GRID2: variants seen among roughly 807,000 people sequenced by gnomAD.
GRID2 encodes glutamate ionotropic receptor delta type subunit 2.
Under a neutral mutation model 114.8 loss-of-function variants are expected in GRID2, and 33 were observed. The ratio of observed to expected loss-of-function variants is 0.29; its 90% CI spans 0.22 to 0.38. GRID2 has a LOEUF of 0.38. Ranked by LOEUF, GRID2 falls within the 10% of genes least tolerant of loss-of-function variation. GRID2 has a pLI of 1.00. For synonymous variants in GRID2, 505 were observed against 449.9 expected, an observed-to-expected ratio of 1.12 and a Z score of -1.55; for missense variants, 1,184 against 1,257.7, an observed-to-expected ratio of 0.94 and a Z score of 0.89.
At chr4:92,899,710 C>G (rs953635240) in intron 2 of GRID2, among the ~76,000 whole-genome samples, 35 of 152,132 alleles carry the variant, frequency 2.3e-4, no homozygotes, top group African/African-American at 8.4e-4. Flanking sequence ...TGAAAGCCAT[C>G]AATAAACAAT....
chr4:93,430,998 A>G (rs2149379869), intron 10 of GRID2, among the ~76,000 whole-genome samples: 1 of 152,330 alleles, frequency 6.6e-6, no homozygotes, highest in Non-Finnish European at 1.5e-5. Context: ...ATGAGAATCT[A>G]TCCTACCATA....
chr4:93,768,026 C>A (rs1187680938), intron 14 of GRID2, among the ~76,000 whole-genome samples: 1 of 152,178 alleles, frequency 6.6e-6, no homozygotes, highest in Non-Finnish European at 1.5e-5. Flanking sequence ...GCACAGGGCT[C>A]TGGGGCCCTT....
chr4:92,443,895 C>T (rs1338717042), intron 1 of GRID2, among the ~76,000 whole-genome samples: 3 of 152,128 alleles, frequency 2.0e-5, no homozygotes, highest in Non-Finnish European at 2.9e-5. Context: ...GTGACCGGCA[C>T]CAGAGTTTTG....
intron 1 of GRID2, among the ~76,000 whole-genome samples, chr4:92,446,356 T>C (rs1733471234): frequency 6.6e-6 from 1 of 152,248 alleles, no homozygotes. Flanking sequence ...GACTCTGAGA[T>C]AAATGTCTCT....
intron 2 of GRID2, among the ~76,000 whole-genome samples, chr4:92,966,092 GA>G (rs1753137995): frequency 6.6e-6 from 1 of 151,926 alleles, no homozygotes; most frequent in African/African-American, 2.4e-5. Context: ...TGTATCTGAA[GA>G]AGTATTCATG....
intron 1 of GRID2, among the ~76,000 whole-genome samples, chr4:93,797,790 A>C (rs180838633): frequency 1.7e-3 from 255 of 150,912 alleles, no homozygotes; most frequent in Non-Finnish European, 3.1e-3. Context: ...CATACCAGAG[A>C]CTTATTCGAA....
At chr4:93,206,179 G>A (rs1321440748) in intron 4 of GRID2, among the ~76,000 whole-genome samples, 2 of 151,908 alleles carry the variant, frequency 1.3e-5, no homozygotes, top group African/African-American at 4.8e-5. Flanking sequence ...AAAGTCACAG[G>A]GAACAATGTG....
At chr4:93,189,962 C>A (rs973220470) in intron 4 of GRID2, among the ~76,000 whole-genome samples, 1 of 152,076 alleles carries the variant, frequency 6.6e-6, no homozygotes, top group African/African-American at 2.4e-5. Context: ...GAGAATGACA[C>A]CAGTATTGGT....
chr4:93,144,035 G>A (rs1052941760), intron 4 of GRID2, among the ~76,000 whole-genome samples: 4 of 152,098 alleles, frequency 2.6e-5, no homozygotes, highest in Admixed American at 6.6e-5. Context: ...TGCAAAATTA[G>A]CATGCATCTG....
chr4:92,318,290 GTATA>G (rs1553923538), intron 1 of GRID2, among the ~76,000 whole-genome samples: 1 of 104,130 alleles, frequency 9.6e-6, no homozygotes, highest in African/African-American at 3.5e-5. Flanking sequence ...ATATATGTGT[GTATA>G]TATATATATA....
chr4:92,948,873 A>AT lies in GRID2; in HGVS notation c.245-136121dup, dbSNP rs202223997. 1.6e-3 allele frequency among the ~76,000 whole-genome samples: 238 copies of AT among 152,134 alleles called. 3 individuals carry two copies. The highest frequency in any genetic ancestry group is 0.014 in the Admixed American group (218 of 15,254). ...TCTTTCACTTATTCTAGGTGTATAT[A>AT]TATCATTTGTAAAGTGAGTGACTCT... On this transcript the variant is annotated intron_variant, in intron 2 of 15. Coordinates refer to ENST00000282020, the MANE Select transcript of GRID2 (RefSeq NM_001510.4).
intron 2 of GRID2, among the ~76,000 whole-genome samples, chr4:92,856,543 G>A (rs1396908865): frequency 6.6e-6 from 1 of 152,080 alleles, no homozygotes; most frequent in African/African-American, 2.4e-5. Context: ...AAGATAGTAT[G>A]AAAATCATTA....
intron 3 of GRID2, among the ~76,000 whole-genome samples, chr4:93,093,483 C>A (rs1417314732): frequency 6.6e-6 from 1 of 151,868 alleles, no homozygotes; most frequent in Non-Finnish European, 1.5e-5. Flanking sequence ...TGACATTATT[C>A]CCAATAAGGA....
At chr4:92,807,607 G>C (rs1347590042) in intron 2 of GRID2, among the ~76,000 whole-genome samples, 1 of 151,966 alleles carries the variant, frequency 6.6e-6, no homozygotes, top group Non-Finnish European at 1.5e-5. Context: ...AGATGACCAT[G>C]ACATGAGACA....
At chr4:93,354,727 A>G (rs1346895079) in intron 8 of GRID2, among the ~76,000 whole-genome samples, 1 of 146,550 alleles carries the variant, frequency 6.8e-6, no homozygotes, top group African/African-American at 2.5e-5. Context: ...ATCTTTATGT[A>G]TATGTAATAT....
intron 8 of GRID2, among the ~76,000 whole-genome samples, chr4:93,298,899 G>T (rs1181185679): frequency 6.6e-6 from 1 of 152,100 alleles, no homozygotes; most frequent in Non-Finnish European, 1.5e-5. Flanking sequence ...CAGAAGCTAG[G>T]GTTTTTCAAA....
At chr4:92,442,614 G>A (rs995935839) in intron 1 of GRID2, among the ~76,000 whole-genome samples, 4 of 151,958 alleles carry the variant, frequency 2.6e-5, no homozygotes, top group Non-Finnish European at 5.9e-5. Flanking sequence ...TTTGAGGGCC[G>A]GAATTTAATT....
chr4:93,553,032 T>C (rs186571300), intron 13 of GRID2, among the ~76,000 whole-genome samples: 55 of 152,318 alleles, frequency 3.6e-4, no homozygotes, highest in African/African-American at 1.3e-3. Context: ...CAGTCTATTA[T>C]TGATGGACAT....
chr4:93,286,703 GT>G (rs1753203702), intron 8 of GRID2, among the ~76,000 whole-genome samples: 1 of 145,548 alleles, frequency 6.9e-6, no homozygotes, highest in African/African-American at 2.8e-5. Context: ...GGGTGTGTGT[GT>G]GTGTGTGTGT....
Sources: allele counts gnomAD v4.1 joint callset (sites outside exome capture counted in the v4.1 genomes callset), GRCh38; gene constraint gnomAD v4.1.1; transcripts MANE v1.5; gene names NCBI Gene and HGNC (gene_info 2026-07-23, HGNC 2026-07-21).